RAP1GAP2: variants seen among roughly 807,000 people sequenced by gnomAD.
The protein encoded by RAP1GAP2 is RAP1 GTPase activating protein 2, also known as rap1 GTPase-activating protein 2.
RAP1GAP2 carries 27 observed loss-of-function variants against 95.0 expected under a neutral mutation model. That is an observed-to-expected ratio of 0.28 (90% CI 0.21 to 0.39). RAP1GAP2 has a LOEUF of 0.39. Ranked by LOEUF, RAP1GAP2 falls within the 10% of genes least tolerant of loss-of-function variation. The pLI is 1.00. For missense variants in RAP1GAP2, 771 were observed against 970.0 expected (o/e 0.79, Z 2.72); for synonymous variants, 373 against 380.9 (o/e 0.98, Z 0.24).
chr17:2,888,650 T>C (rs2073582241), intron 2 of RAP1GAP2, among the ~76,000 whole-genome samples: 2 of 99,432 alleles, frequency 2.0e-5, no homozygotes, highest in Middle Eastern at 0.014. Flanking sequence ...CCTTTTCTTT[T>C]TCTTTTTTTT....
At chr17:2,911,140 G>A (rs2042364640) in intron 3 of RAP1GAP2, among the ~76,000 whole-genome samples, 1 of 152,144 alleles carries the variant, frequency 6.6e-6, no homozygotes, top group Admixed American at 6.5e-5. Flanking sequence ...AGCAGTAGCT[G>A]GCCTCCAGCC....
At chr17:2,950,605 ATTTTT>A (rs3035074) in intron 3 of RAP1GAP2, among the ~76,000 whole-genome samples, 7 of 78,066 alleles carry the variant, frequency 9.0e-5, no homozygotes, top group Non-Finnish European at 1.6e-4. Context: ...ATTTGCTTCA[ATTTTT>A]TTTTTTTTTT....
chr17:2,956,989 A>G (rs1053605588), intron 3 of RAP1GAP2, among the ~76,000 whole-genome samples: 1 of 152,024 alleles, frequency 6.6e-6, no homozygotes, highest in Admixed American at 6.6e-5. Flanking sequence ...TTAGCCGGGC[A>G]CGATGGCGGG....
intron 1 of RAP1GAP2, among the ~76,000 whole-genome samples, chr17:2,786,703 G>A (rs1329961907): frequency 1.3e-5 from 2 of 151,508 alleles, no homozygotes; most frequent in Non-Finnish European, 2.9e-5. Context: ...GGAGTGCAGT[G>A]GCGTGGTCTC....
chr17:2,833,904 A>C (rs189486216), intron 2 of RAP1GAP2, among the ~76,000 whole-genome samples: 41 of 152,056 alleles, frequency 2.7e-4, no homozygotes, highest in African/African-American at 9.9e-4. Context: ...TGTTGGGTGA[A>C]GCATCCTGTC....
At chr17:2,826,979 C>A (rs148407460) in intron 2 of RAP1GAP2, among the ~76,000 whole-genome samples, 95 of 152,156 alleles carry the variant, frequency 6.2e-4, no homozygotes, top group African/African-American at 2.2e-3. Context: ...GCACTTCAGC[C>A]TGGTGTCACA....
At chr17:2,806,405 T>G (rs2069519797) in intron 2 of RAP1GAP2, among the ~76,000 whole-genome samples, 1 of 149,596 alleles carries the variant, frequency 6.7e-6, no homozygotes, top group Non-Finnish European at 1.5e-5. Flanking sequence ...TTATTATTAT[T>G]ATTTTGAGAG....
intron 3 of RAP1GAP2, among the ~76,000 whole-genome samples, chr17:2,917,168 C>G (rs2042598978): frequency 6.6e-6 from 1 of 152,192 alleles, no homozygotes; most frequent in Non-Finnish European, 1.5e-5. Flanking sequence ...CTGGACCCCT[C>G]TGAGGTTCTT....
chr17:2,980,495 C>A, intron 9 of RAP1GAP2, 130 bp downstream of exon 9: 1 of 875,964 alleles, frequency 1.1e-6, no homozygotes, highest in Non-Finnish European at 1.9e-6. Context: ...ACTCTTTGGC[C>A]ATTGACTGCA....
At chr17:2,918,868 A>G (rs1391584289) in intron 3 of RAP1GAP2, among the ~76,000 whole-genome samples, 2 of 152,210 alleles carry the variant, frequency 1.3e-5, no homozygotes, top group African/African-American at 4.8e-5. Flanking sequence ...ATTAATTGAG[A>G]TAATATGCCT....
rs2044555485 is a variant in RAP1GAP2, at chr17:2,965,574, T to C, written c.527T>C (p.Leu176Pro). ...HLNFYCTGSS[L>P]GNLILSVKCE... ...AACTTTTACTGTACCGGCAGCAGCC[T>C]GGGGAACTTGATCCTGTCCGTCAAG... The change falls in exon 8 of 25, where the codon CTG (leucine) becomes CCG (proline). Residue 176 changes from leucine to proline, a missense_variant. Leu to Pro is a moderately conservative substitution (Grantham distance 98). Transcript: ENST00000254695. The surrounding 1 kb of genome is among the most constrained non-coding windows in gnomAD (Gnocchi z 4.7). 6.2e-7 allele frequency: 1 copy of C among 1,612,938 alleles called. No individual in the cohort carries two copies.
Position 2,905,310 on chromosome 17 carries a change from A to T in RAP1GAP2, c.107A>T (p.Asp36Val), listed in dbSNP as rs1328671931. ...VKKQELANSS[D>V]ATLPDRPLSP... is the part of the protein sequence containing the mutation. Reference sequence around the variant, plus strand: ...AAGCAGGAGCTGGCCAACAGCTCGGATGCGACCCTCCCAGACCGGCCGCTC... The same window carrying T: ...AAGCAGGAGCTGGCCAACAGCTCGGTTGCGACCCTCCCAGACCGGCCGCTC... The change falls in exon 3 of 25, where the codon GAT becomes GTT. Residue 36 changes from aspartate (D) to valine (V), a missense_variant. Physicochemically the swap from Asp to Val is radical, Grantham distance 152. Transcript: ENST00000254695. 6.2e-7 allele frequency: 1 copy of T among 1,613,738 alleles called. No individual in the cohort carries two copies. Among genetic ancestry groups the T allele is most frequent in the Admixed American group, 1.7e-5 (1 of 60,010 alleles).
intron 2 of RAP1GAP2, among the ~76,000 whole-genome samples, chr17:2,860,114 G>C (rs557077508): frequency 2.4e-3 from 370 of 152,250 alleles, no homozygotes; most frequent in African/African-American, 8.4e-3. Flanking sequence ...CCTGGGGTTT[G>C]TCCAGAATTC....
chr17:2,768,398 A>G (rs2151432470), intron 1 of RAP1GAP2, among the ~76,000 whole-genome samples: 2 of 152,306 alleles, frequency 1.3e-5, no homozygotes, highest in Admixed American at 1.3e-4. Context: ...GCCCTCAATA[A>G]ATGTTGAATT....
chr17:2,794,176 A>G (rs1042865025), upstream of RAP1GAP2, among the ~76,000 whole-genome samples: 17 of 150,276 alleles, frequency 1.1e-4, no homozygotes, highest in African/African-American at 3.7e-4. Flanking sequence ...AGTCGGTTTC[A>G]TTTTCCCCAC....
rs1214122661 is a variant in RAP1GAP2 at position 2,817,155 on chromosome 17, T to C, written c.80+16605T>C. ...GGTGTGCACCACCACACAAGGCTAATTTCTGTATTTTTAGTAGAGATAGAG... is the reference window on the plus strand; with the variant it reads ...GGTGTGCACCACCACACAAGGCTAACTTCTGTATTTTTAGTAGAGATAGAG... On this transcript the variant is annotated intron_variant, in intron 2 of 24. Transcript: ENST00000254695. 1.7e-5 allele frequency among the ~76,000 whole-genome samples: 2 copies of C among 117,034 alleles called. 1 individual carries two copies. Among genetic ancestry groups the C allele is most frequent in the Non-Finnish European group, 4.1e-5 (2 of 48,906 alleles). The allele number at this position is 117,034 out of a possible 152,430, so 76.8% of individuals were successfully genotyped here.
Position 3,005,935 on chromosome 17 carries a change from G to A in RAP1GAP2, c.1273-20G>A. ...AACAGCCGAGAGTGACAGACCTGAG[G>A]TCCGTCTTGTCTCTTCCAGGGCCCG... On this transcript the variant is annotated intron_variant, in intron 15 of 24. Coordinates refer to ENST00000254695, the MANE Select transcript of RAP1GAP2 (RefSeq NM_015085.5). The surrounding 1 kb of genome is among the most constrained non-coding windows in gnomAD (Gnocchi z 5.2). 1 of 1,608,876 alleles carries A rather than the reference G, an allele frequency of 6.2e-7. No homozygotes were observed. The highest frequency in any genetic ancestry group is 2.2e-5 in the East Asian group (1 of 44,826).
chr17:2,831,737 A>C (rs1022519354), intron 2 of RAP1GAP2, among the ~76,000 whole-genome samples: 1 of 152,020 alleles, frequency 6.6e-6, no homozygotes, highest in Non-Finnish European at 1.5e-5. Flanking sequence ...ATCTCTACTA[A>C]AAATAAAAAA....
At position 2,963,573 on chromosome 17, in the gene RAP1GAP2, G is replaced by A; in HGVS notation, c.279+111G>A. The A allele has an allele frequency of 7.2e-7, 1 of 1,390,950 alleles. No homozygotes were observed. The highest frequency in any genetic ancestry group is 1.2e-5 in the South Asian group (1 of 84,718). The allele number at this position is 1,390,950 out of a possible 1,614,324, so 86.2% of individuals were successfully genotyped here. A position where few individuals can be genotyped will look rare whatever the true frequency, so the allele number is the denominator to read the frequency against. On this transcript the variant is annotated intron_variant, in intron 6 of 24. Transcript: ENST00000254695. The surrounding 1 kb of genome is among the most constrained non-coding windows in gnomAD (Gnocchi z 4.8). The stretch of plus-strand genomic sequence containing the variant: ...AGCCCCCCAGGGGAGAGAACCTTGG[G>A]CCTGGGACCTCTCTTCCTGTCTTTG...
Sources: gnomAD v4.1 joint callset for allele counts (sites outside exome capture counted in the v4.1 genomes callset) on GRCh38, gnomAD v4.1.1 for gene constraint, Gnocchi (gnomAD v3.1) non-coding constraint, MANE v1.5 for transcripts, NCBI Gene and HGNC (gene_info 2026-07-23, HGNC 2026-07-21) for gene names.